WDR7: variants seen among roughly 807,000 people sequenced by gnomAD.
The protein encoded by WDR7 is WD repeat domain 7.
A neutral mutation model predicts 169.4 loss-of-function variants in WDR7; 46 were observed. The observed-to-expected ratio is 0.27, with a 90% CI of 0.21 to 0.35. The LOEUF (loss-of-function observed/expected upper bound fraction) is 0.35, where lower values mean the gene tolerates loss of function less well. Ranked by LOEUF, WDR7 falls within the 10% of genes least tolerant of loss-of-function variation. WDR7 has a pLI of 1.00. For synonymous variants in WDR7, 612 were observed against 666.8 expected (o/e 0.92, Z 1.27); for missense variants, 1,534 against 1,859.3 (o/e 0.83, Z 3.22).
intron 19 of WDR7, among the ~76,000 whole-genome samples, chr18:56,796,842 T>A (rs538944903): frequency 3.0e-4 from 45 of 152,178 alleles, no homozygotes; most frequent in Non-Finnish European, 3.4e-4. Flanking sequence ...TAAATTAAAA[T>A]CACCTCCAAA....
At chr18:56,715,139 T>C (rs1453757190) in intron 12 of WDR7, among the ~76,000 whole-genome samples, 1 of 152,222 alleles carries the variant, frequency 6.6e-6, no homozygotes, top group African/African-American at 2.4e-5. Flanking sequence ...GTCAAGTTTC[T>C]CATAAGAATG....
intron 19 of WDR7, among the ~76,000 whole-genome samples, chr18:56,786,975 A>T (rs143055546): frequency 2.3e-4 from 35 of 151,986 alleles, no homozygotes; most frequent in African/African-American, 7.7e-4. Flanking sequence ...ATAAATAGGG[A>T]TTAATGTTAT....
rs761115644 is a variant in WDR7, at chr18:56,786,470, A to G, written c.3190+4814A>G. On this transcript the variant is annotated intron_variant, in intron 19 of 27. Coordinates refer to ENST00000254442, the MANE Select transcript of WDR7 (RefSeq NM_015285.3). ...CTTGAACCCGGGAGGCAGAAGTTGC[A>G]GTGAGCCAAGATCGCGCCACTGCAC... is the stretch of plus-strand genomic sequence containing the variant. Among the ~76,000 whole-genome samples the G allele has an allele frequency of 6.1e-4, 92 of 152,014 alleles. 1 individual carries two copies. The Middle Eastern group carries it at 0.01, about 17-fold the overall frequency.
At chr18:56,975,429 G>T (rs2047551984) in intron 26 of WDR7, among the ~76,000 whole-genome samples, 2 of 152,134 alleles carry the variant, frequency 1.3e-5, no homozygotes, top group African/African-American at 4.8e-5. Context: ...TTGCAAAGGA[G>T]TGTGAAAGTG....
intron 26 of WDR7, among the ~76,000 whole-genome samples, chr18:57,014,580 C>T (rs2048181106): frequency 6.6e-6 from 1 of 151,900 alleles, no homozygotes; most frequent in Admixed American, 6.6e-5. Context: ...TCACTTGAAC[C>T]TGAGATGCGG....
Position 56,691,357 on chromosome 18 carries a change from G to T in WDR7, c.859G>T (p.Ala287Ser), listed in dbSNP as rs140978244. Reference protein sequence around the residue: ...NGQSYIYKLPASCLPASDSFR... With the variant: ...NGQSYIYKLPSSCLPASDSFR... ...GCAAAGTTATATTTACAAACTACCT[G>T]CCAGGTATGCAGCAAGTAATAAATT... Residue 287 changes from alanine to serine, a missense_variant, in exon 8 of 28, where the codon GCC becomes TCC. Transcript: ENST00000254442. 7 of 1,588,476 alleles carry T rather than the reference G, an allele frequency of 4.4e-6. No individual in the cohort carries two copies. In the African/African-American group the frequency reaches 9.6e-5, roughly 22 times the overall value.
chr18:56,806,899 G>A (rs1276737567), intron 19 of WDR7, among the ~76,000 whole-genome samples: 1 of 151,950 alleles, frequency 6.6e-6, no homozygotes, highest in Non-Finnish European at 1.5e-5. Context: ...CCATTTTAAT[G>A]GCTTGCTTTA....
chr18:56,829,433 G>A (rs895819755), intron 20 of WDR7, among the ~76,000 whole-genome samples: 2 of 152,072 alleles, frequency 1.3e-5, no homozygotes, highest in African/African-American at 4.8e-5. Context: ...GAAAGTCTCC[G>A]TGACTGTATT....
intron 19 of WDR7, among the ~76,000 whole-genome samples, chr18:56,783,515 G>T (rs555100284): frequency 2.6e-4 from 40 of 152,058 alleles, no homozygotes; most frequent in Middle Eastern, 3.2e-3. Flanking sequence ...AATCACTAAA[G>T]AATTTTTTTA....
chr18:56,665,561 T>G (rs568574421), intron 1 of WDR7, among the ~76,000 whole-genome samples: 1 of 152,294 alleles, frequency 6.6e-6, no homozygotes, highest in Admixed American at 6.5e-5. Flanking sequence ...CACTGTATAT[T>G]TTGGTGTTTG....
At chr18:56,972,469 TAGAC>T (rs1277444961) in intron 26 of WDR7, among the ~76,000 whole-genome samples, 3 of 152,294 alleles carry the variant, frequency 2.0e-5, no homozygotes, top group Middle Eastern at 3.4e-3. Flanking sequence ...CTACAGTACT[TAGAC>T]AGTGACATTT....
chr18:56,752,510 T>G (rs1157809499), intron 14 of WDR7, among the ~76,000 whole-genome samples: 1 of 152,172 alleles, frequency 6.6e-6, no homozygotes, highest in Non-Finnish European at 1.5e-5. Flanking sequence ...TGTTTTGAGT[T>G]CCATGACTAG....
chr18:56,957,965 T>C (rs559478213), intron 25 of WDR7, among the ~76,000 whole-genome samples: 1 of 152,266 alleles, frequency 6.6e-6, no homozygotes, highest in Admixed American at 6.5e-5. Flanking sequence ...CTGCTGAGAG[T>C]TGCATGTTTT....
intron 1 of WDR7, among the ~76,000 whole-genome samples, chr18:56,666,220 T>TTTTG: frequency 6.7e-6 from 1 of 149,276 alleles, no homozygotes; most frequent in East Asian, 2.0e-4. Flanking sequence ...TTTTTTTTTT[T>TTTTG]GAGCCGCAGT....
chr18:56,868,819 G>A (rs2045915305), intron 20 of WDR7, among the ~76,000 whole-genome samples: 1 of 152,042 alleles, frequency 6.6e-6, no homozygotes, highest in Non-Finnish European at 1.5e-5. Flanking sequence ...ACCTTTGAAA[G>A]GTCAATTGAA....
chr18:56,658,950 T>C (rs977555564), intron 1 of WDR7, among the ~76,000 whole-genome samples: 4 of 152,126 alleles, frequency 2.6e-5, no homozygotes, highest in African/African-American at 9.7e-5. Flanking sequence ...ACTCCTGATC[T>C]TGTGATCTGC....
intron 1 of WDR7, among the ~76,000 whole-genome samples, chr18:56,667,679 T>C (rs992055223): frequency 6.6e-6 from 1 of 152,200 alleles, no homozygotes; most frequent in Non-Finnish European, 1.5e-5. Context: ...TAAAACTGCT[T>C]TTTCTTTTCT....
At chr18:57,003,801 A>G (rs1019441501) in intron 26 of WDR7, among the ~76,000 whole-genome samples, 1 of 152,066 alleles carries the variant, frequency 6.6e-6, no homozygotes, top group Non-Finnish European at 1.5e-5. Context: ...TAATTTGCCA[A>G]CTATGCTTAT....
chr18:56,913,115 C>T (rs7226768), intron 21 of WDR7, among the ~76,000 whole-genome samples: 116,821 of 151,886 alleles, frequency 0.77, 45,862 homozygotes, highest in East Asian at 0.95. Context: ...CTCAAACGAT[C>T]CTCTCACCTC....
Sources: allele counts gnomAD v4.1 joint callset (sites outside exome capture counted in the v4.1 genomes callset), GRCh38; gene constraint gnomAD v4.1.1; transcripts MANE v1.5; gene names NCBI Gene and HGNC (gene_info 2026-07-23, HGNC 2026-07-21).